QSER1: variants seen among roughly 807,000 people sequenced by gnomAD.
QSER1 encodes glutamine and serine-rich protein 1.
In QSER1, 49 loss-of-function variants were observed where a neutral mutation model predicts 158.5. The ratio of observed to expected loss-of-function variants is 0.31; its 90% CI spans 0.25 to 0.39. The LOEUF is 0.39. QSER1 is among the 10% of genes least tolerant of loss of function. The probability of loss-of-function intolerance (pLI) is 1.00; values close to 1 mark genes in which losing one functional copy is unlikely to be tolerated. For synonymous variants in QSER1, 650 were observed against 715.5 expected, an observed-to-expected ratio of 0.91 and a Z score of 1.46; for missense variants, 1,754 against 2,010.3, an observed-to-expected ratio of 0.87 and a Z score of 2.44.
intron 1 of QSER1, among the ~76,000 whole-genome samples, chr11:32,901,027 G>C (rs1221730890): frequency 1.3e-5 from 2 of 152,150 alleles, no homozygotes; most frequent in African/African-American, 4.8e-5. Context: ...TCTTTGTCTT[G>C]TTCACATCTG....
intron 1 of QSER1, among the ~76,000 whole-genome samples, chr11:32,922,318 A>G (rs538513803): frequency 6.6e-6 from 1 of 152,244 alleles, no homozygotes; most frequent in South Asian, 2.1e-4. Flanking sequence ...TGCAAAACAT[A>G]ACTGGCCAAG....
intron 1 of QSER1, among the ~76,000 whole-genome samples, chr11:32,917,479 CTAACTT>C (rs1851847300): frequency 6.6e-6 from 1 of 152,084 alleles, no homozygotes; most frequent in Admixed American, 6.5e-5. Context: ...TTATTCACAG[CTAACTT>C]AATGTCAAAT....
intron 1 of QSER1, among the ~76,000 whole-genome samples, chr11:32,906,766 T>G (rs1175998486): frequency 6.6e-6 from 1 of 152,106 alleles, no homozygotes; most frequent in Non-Finnish European, 1.5e-5. Context: ...GAGAGAAAAG[T>G]ATAATGAACC....
At chr11:32,909,321 G>T (rs777642329) in intron 1 of QSER1, among the ~76,000 whole-genome samples, 1 of 152,070 alleles carries the variant, frequency 6.6e-6, no homozygotes, top group Non-Finnish European at 1.5e-5. Flanking sequence ...TTCAAGGAAG[G>T]GAAGTATCTT....
intron 4 of QSER1, among the ~76,000 whole-genome samples, chr11:32,937,174 A>C (rs1655928075): frequency 6.6e-6 from 1 of 152,226 alleles, no homozygotes; most frequent in South Asian, 2.1e-4. Context: ...CCTTACTATT[A>C]GGTCTTTGAA....
chr11:32,913,948 G>T (rs999605451), intron 1 of QSER1, among the ~76,000 whole-genome samples: 2 of 152,000 alleles, frequency 1.3e-5, no homozygotes, highest in African/African-American at 4.8e-5. Flanking sequence ...AAGTTCCCTC[G>T]TTTATTTTTT....
chr11:32,904,189 C>CTTTTTTT (rs370789790), intron 1 of QSER1, among the ~76,000 whole-genome samples: 1 of 137,232 alleles, frequency 7.3e-6, no homozygotes, highest in African/African-American at 2.7e-5. Flanking sequence ...ATTTCTTTTT[C>CTTTTTTT]TTTTTTTTTT....
rs1289954250 is a variant in QSER1, at chr11:32,892,933, G to A, written c.-193G>A. ...AGCTGGGGCCTCGCCGCCCGCCGCG[G>A]CCCGGGTCTTTGCGGCCCAGACTCG... is the stretch of plus-strand genomic sequence containing the variant. On this transcript the variant is annotated 5_prime_UTR_variant, in exon 1 of 13. Coordinates refer to ENST00000650167, the MANE Select transcript of QSER1 (RefSeq NM_001076786.3). 6.9e-6 allele frequency among the ~76,000 whole-genome samples: 1 copy of A among 145,072 alleles called. No homozygotes were observed. The highest frequency in any genetic ancestry group is 2.5e-5 in the African/African-American group (1 of 39,594).
At chr11:32,913,179 C>CT (rs61685246) in intron 1 of QSER1, among the ~76,000 whole-genome samples, 13,667 of 54,306 alleles carry the variant, frequency 0.25, 5,208 homozygotes, top group Non-Finnish European at 0.33. Flanking sequence ...TCTCCTCTTC[C>CT]TTTTTTTTTT....
Position 32,914,993 on chromosome 11 carries a change from C to T in QSER1, c.210-12164C>T, listed in dbSNP as rs543552569. ...GAAGTGTAGCGGCCTGATCATGGCTCACTGTAGCCTTGACCTGCTGGGCTC... is the reference window on the plus strand; with the variant it reads ...GAAGTGTAGCGGCCTGATCATGGCTTACTGTAGCCTTGACCTGCTGGGCTC... On this transcript the variant is annotated intron_variant, in intron 1 of 12. Transcript: ENST00000650167. Among the ~76,000 whole-genome samples, 63 of 152,250 alleles carry T rather than the reference C, an allele frequency of 4.1e-4. 4 individuals carry two copies. In the South Asian group the frequency reaches 0.013, roughly 31 times the overall value.
intron 1 of QSER1, among the ~76,000 whole-genome samples, chr11:32,898,484 A>T (rs1386813275): frequency 0.015 from 69 of 4,580 alleles, no homozygotes; most frequent in South Asian, 0.096. Context: ...AGAACCTGTC[A>T]CACACACACA....
At chr11:32,970,602 A>G (rs1852833899) in intron 10 of QSER1, among the ~76,000 whole-genome samples, 1 of 152,208 alleles carries the variant, frequency 6.6e-6, no homozygotes, top group Admixed American at 6.5e-5. Context: ...ACAGGGTTTC[A>G]CCATGTTGGT....
chr11:32,928,756 A>G (rs1852007957), intron 3 of QSER1, among the ~76,000 whole-genome samples: 1 of 152,122 alleles, frequency 6.6e-6, no homozygotes, highest in Admixed American at 6.5e-5. Context: ...ATTTGAGAAT[A>G]TGTTTTTAAA....
In QSER1 at chr11:32,945,855, C is replaced by A. The variant is rs201493842; in HGVS notation, c.4178-8002C>A. Reference sequence around the variant, plus strand: ...GTTTTCCAACTTGGTTCCATTCTCCCCATCACTTTCAGGTACACCAATCAG... The same window carrying A: ...GTTTTCCAACTTGGTTCCATTCTCCACATCACTTTCAGGTACACCAATCAG... On this transcript the variant is annotated intron_variant, in intron 4 of 12. Transcript: ENST00000650167. Among the ~76,000 whole-genome samples the A allele has an allele frequency of 2.5e-3, 385 of 152,086 alleles. 8 individuals are homozygous for A. The East Asian group carries it at 0.067, about 27-fold the overall frequency.
chr11:32,950,983 T>A (rs966132330), intron 4 of QSER1, among the ~76,000 whole-genome samples: 3 of 152,202 alleles, frequency 2.0e-5, no homozygotes, highest in African/African-American at 7.2e-5. Context: ...TGGATGTTTA[T>A]TATCTCTAGG....
At position 32,968,162 on chromosome 11, in the gene QSER1, C is replaced by T. The variant is rs1852783694; in HGVS notation, c.5108-884C>T. Among the ~76,000 whole-genome samples the T allele has an allele frequency of 2.6e-5, 4 of 152,220 alleles. No individual in the cohort carries two copies. The South Asian group carries it at 8.3e-4, about 32-fold the overall frequency. On this transcript the variant is annotated intron_variant, in intron 9 of 12. Transcript: ENST00000650167. The stretch of plus-strand genomic sequence containing the variant: ...ATTTTTAAATCACAAATGTTTAAAA[C>T]TTACTTTTGTAGAATGTAAATACAG...
chr11:32,901,490 A>G (rs896318995), intron 1 of QSER1, among the ~76,000 whole-genome samples: 1 of 152,214 alleles, frequency 6.6e-6, no homozygotes, highest in Non-Finnish European at 1.5e-5. Context: ...CTAATGTTGC[A>G]TAGTGGAATA....
chr11:32,924,798 A>G (rs935221694), intron 1 of QSER1, among the ~76,000 whole-genome samples: 27 of 152,120 alleles, frequency 1.8e-4, no homozygotes, highest in African/African-American at 6.3e-4. Flanking sequence ...TTACAGCATG[A>G]TGCTGAAGTT....
intron 9 of QSER1, among the ~76,000 whole-genome samples, chr11:32,968,217 A>G (rs2133605050): frequency 6.6e-6 from 1 of 152,328 alleles, no homozygotes; most frequent in East Asian, 1.9e-4. Flanking sequence ...ACTAATAGAA[A>G]GACTATGTAA....
Sources: allele counts gnomAD v4.1 joint callset (sites outside exome capture counted in the v4.1 genomes callset), GRCh38; gene constraint gnomAD v4.1.1; transcripts MANE v1.5; gene names NCBI Gene and HGNC (gene_info 2026-07-23, HGNC 2026-07-21).